CALN1: variants seen among roughly 807,000 people sequenced by gnomAD.
CALN1 encodes calneuron 1, also known as calcium-binding protein 8.
Under a neutral mutation model 30.6 loss-of-function variants are expected in CALN1, and 17 were observed. The observed-to-expected ratio is 0.56, with a 90% CI of 0.38 to 0.83. The LOEUF (loss-of-function observed/expected upper bound fraction) is 0.83. CALN1 is among the 40% of genes least tolerant of loss of function. CALN1 has a pLI of 0.00. For missense variants in CALN1, 291 were observed against 354.9 expected (o/e 0.82, Z 1.45); for synonymous variants, 156 against 131.4 (o/e 1.19, Z -1.28).
At chr7:72,046,709 T>TAAAAAAA (rs59664699) in intron 4 of CALN1, among the ~76,000 whole-genome samples, 2 of 51,860 alleles carry the variant, frequency 3.9e-5, no homozygotes, top group Non-Finnish European at 7.2e-5. Context: ...GACTCCCTCT[T>TAAAAAAA]AAAAAAAAAA....
At chr7:72,143,293 G>A (rs1585029771) in intron 3 of CALN1, among the ~76,000 whole-genome samples, 1 of 152,338 alleles carries the variant, frequency 6.6e-6, no homozygotes, top group Admixed American at 6.5e-5. Context: ...ACCTGATGGA[G>A]CTGAAAACCA....
At chr7:72,315,618 T>C (rs1016746414) in intron 2 of CALN1, among the ~76,000 whole-genome samples, 1 of 151,720 alleles carries the variant, frequency 6.6e-6, no homozygotes, top group Non-Finnish European at 1.5e-5. Flanking sequence ...GAAGGGAGGA[T>C]TGCTTCAGCC....
At chr7:72,501,984 T>TATATATATAAATATATATACACAC in the CALN1 span, among the ~76,000 whole-genome samples, 2 of 110,232 alleles carry the variant, frequency 1.8e-5, no homozygotes, top group Middle Eastern at 4.9e-3. Flanking sequence ...TATACACACA[T>TATATATATAAATATATATACACAC]ATATATATAA....
intron 4 of CALN1, among the ~76,000 whole-genome samples, chr7:72,024,038 T>A (rs1351684190): frequency 6.6e-6 from 1 of 152,190 alleles, no homozygotes; most frequent in African/African-American, 2.4e-5. Context: ...CCACTTAACA[T>A]GGTTATACCT....
chr7:72,179,827 A>C (rs1175085134), intron 3 of CALN1, among the ~76,000 whole-genome samples: 1 of 152,204 alleles, frequency 6.6e-6, no homozygotes, highest in Admixed American at 6.5e-5. Flanking sequence ...TAAAAAAATT[A>C]CATTTTCTTA....
chr7:71,886,609 C>T (rs1444465036), intron 5 of CALN1, among the ~76,000 whole-genome samples: 1 of 151,878 alleles, frequency 6.6e-6, no homozygotes, highest in East Asian at 1.9e-4. Flanking sequence ...CCTTTCTCTA[C>T]TAGAAATACA....
intron 3 of CALN1, among the ~76,000 whole-genome samples, chr7:72,156,857 A>G (rs1438189804): frequency 6.6e-6 from 1 of 152,006 alleles, no homozygotes; most frequent in African/African-American, 2.4e-5. Flanking sequence ...ACCTGCAAAA[A>G]CCTCAGAGGC....
intron 5 of CALN1, among the ~76,000 whole-genome samples, chr7:71,944,832 A>G (rs1382036948): frequency 6.6e-6 from 1 of 152,182 alleles, no homozygotes; most frequent in Non-Finnish European, 1.5e-5. Flanking sequence ...TTGGCTACCA[A>G]TGTGGTACCA....
At chr7:72,344,027 T>C (rs1038283437) in intron 2 of CALN1, among the ~76,000 whole-genome samples, 4 of 152,186 alleles carry the variant, frequency 2.6e-5, no homozygotes, top group African/African-American at 9.6e-5. Context: ...CTATTTTTTT[T>C]TATTTTTTAA....
At position 71,884,398 on chromosome 7, in the gene CALN1, A is replaced by G. The variant is rs113011899; in HGVS notation, c.502-73906T>C. On this transcript the variant is annotated intron_variant, in intron 5 of 6. Transcript: ENST00000395275. Reference sequence around the variant, plus strand: ...TCCATCAAAACACTGGACAGGGCGGACACATCATCCTATCTGAATACTGTG... The same window carrying G: ...TCCATCAAAACACTGGACAGGGCGGGCACATCATCCTATCTGAATACTGTG... Among the ~76,000 whole-genome samples, 1,300 of 152,242 alleles carry G rather than the reference A, an allele frequency of 8.5e-3. 12 individuals are homozygous for G. The highest frequency in any genetic ancestry group is 0.029 in the African/African-American group (1,208 of 41,536).
chr7:72,171,086 G>C (rs1399332777), intron 3 of CALN1, among the ~76,000 whole-genome samples: 1 of 152,150 alleles, frequency 6.6e-6, no homozygotes, highest in East Asian at 1.9e-4. Context: ...GAGCCCTTGA[G>C]AGTTCGAGGT....
At chr7:72,130,423 A>C (rs960611586) in intron 3 of CALN1, among the ~76,000 whole-genome samples, 2 of 152,144 alleles carry the variant, frequency 1.3e-5, no homozygotes, top group Non-Finnish European at 2.9e-5. Context: ...AAAAGAAGAA[A>C]GACTAGACCA....
chr7:71,805,247 A>C (rs1787537599), intron 6 of CALN1, among the ~76,000 whole-genome samples: 1 of 151,994 alleles, frequency 6.6e-6, no homozygotes, highest in Admixed American at 6.6e-5. Flanking sequence ...AGACCTTCCT[A>C]ATTGGTGTGA....
In CALN1 at chr7:72,388,264, A is replaced by C. The variant is rs80102207; in HGVS notation, c.119+14987T>G. The stretch of plus-strand genomic sequence containing the variant: ...TTGTATCCATTAAAAAATAAAATAC[A>C]ATTTTTTAAAAAGGGGCACGTCCTT... On this transcript the variant is annotated intron_variant, in intron 2 of 6. Transcript: ENST00000395275. Among the ~76,000 whole-genome samples the C allele has an allele frequency of 3.6e-3, 546 of 152,222 alleles. 2 individuals are homozygous for C. The highest frequency in any genetic ancestry group is 0.011 in the African/African-American group (467 of 41,544).
chr7:72,340,744 C>T (rs1462928877), intron 2 of CALN1, among the ~76,000 whole-genome samples: 1 of 152,184 alleles, frequency 6.6e-6, no homozygotes, highest in African/African-American at 2.4e-5. Flanking sequence ...CCATAATTCC[C>T]ACATGTTGTG....
chr7:71,890,746 C>CTT (rs10690153), intron 5 of CALN1, among the ~76,000 whole-genome samples: 55,838 of 123,002 alleles, frequency 0.45, 14,362 homozygotes, highest in South Asian at 0.62. Context: ...TGTTTTCTAG[C>CTT]TTTTTTTTTT....
chr7:71,830,450 C>G (rs868292361), intron 5 of CALN1, among the ~76,000 whole-genome samples: 33 of 152,192 alleles, frequency 2.2e-4, no homozygotes, highest in African/African-American at 5.8e-4. Flanking sequence ...CAGGTTCAAG[C>G]AATTTTCCTG....
chr7:72,072,693 A>C (rs1804481817), intron 4 of CALN1, among the ~76,000 whole-genome samples: 1 of 152,234 alleles, frequency 6.6e-6, no homozygotes, highest in Non-Finnish European at 1.5e-5. Context: ...ATAATTTTTT[A>C]AAAGAAATTA....
intron 2 of CALN1, among the ~76,000 whole-genome samples, chr7:72,382,644 C>T (rs761191974): frequency 6.6e-6 from 1 of 152,146 alleles, no homozygotes; most frequent in African/African-American, 2.4e-5. Flanking sequence ...TCCTCAGTGT[C>T]TGTTTCTTCG....
Sources: allele counts gnomAD v4.1 joint callset (sites outside exome capture counted in the v4.1 genomes callset), GRCh38; gene constraint gnomAD v4.1.1; transcripts MANE v1.5; gene names NCBI Gene and HGNC (gene_info 2026-07-23, HGNC 2026-07-21).